SUGCT: variants seen among roughly 807,000 people sequenced by gnomAD.
SUGCT encodes the protein succinyl-CoA:glutarate-CoA transferase.
In SUGCT, 41 loss-of-function variants were observed where a neutral mutation model predicts 55.0. The observed-to-expected ratio is 0.74, with a 90% CI of 0.58 to 0.97. The LOEUF is 0.97. SUGCT is among the 50% of genes least tolerant of loss of function. The pLI is 0.00. For synonymous variants in SUGCT, 187 were observed against 200.4 expected, an observed-to-expected ratio of 0.93 and a Z score of 0.56; for missense variants, 568 against 547.8, an observed-to-expected ratio of 1.04 and a Z score of -0.37.
chr7:40,263,468 C>T (rs1791361890), intron 7 of SUGCT, among the ~76,000 whole-genome samples: 1 of 152,160 alleles, frequency 6.6e-6, no homozygotes. Context: ...GTATAGGCAG[C>T]AGTTTTTGGA....
chr7:40,480,834 A>T (rs1790992889), intron 11 of SUGCT, among the ~76,000 whole-genome samples: 1 of 152,072 alleles, frequency 6.6e-6, no homozygotes, highest in Non-Finnish European at 1.5e-5. Flanking sequence ...GTGCCCGGAG[A>T]GGTAGTGATC....
chr7:40,897,426 G>GACACACACACAC, the SUGCT span, among the ~76,000 whole-genome samples: 534 of 148,882 alleles, frequency 3.6e-3, 4 homozygotes, highest in South Asian at 0.016. Flanking sequence ...AATAAAGCTG[G>GACACACACACAC]ACACACACAC....
intron 9 of SUGCT, among the ~76,000 whole-genome samples, chr7:40,350,774 A>G (rs1391566752): frequency 2.0e-5 from 3 of 151,904 alleles, no homozygotes; most frequent in Non-Finnish European, 4.4e-5. Flanking sequence ...TATTTCTCCT[A>G]ATGCTTTCCC....
chr7:40,358,439 G>C (rs76371448), intron 9 of SUGCT, among the ~76,000 whole-genome samples: 3 of 152,096 alleles, frequency 2.0e-5, no homozygotes, highest in African/African-American at 7.2e-5. Flanking sequence ...AGGGCCGGGC[G>C]CAGTGGCTCA....
chr7:40,896,966 A>G, the SUGCT span, among the ~76,000 whole-genome samples: 3 of 152,236 alleles, frequency 2.0e-5, no homozygotes, highest in Non-Finnish European at 2.9e-5. Context: ...ATACACTACA[A>G]AGCTACTGTA....
chr7:40,176,590 C>T (rs1784932747), intron 1 of SUGCT, among the ~76,000 whole-genome samples: 2 of 151,366 alleles, frequency 1.3e-5, no homozygotes, highest in South Asian at 4.2e-4. Context: ...TTCTTTTTGC[C>T]TTTTTTTTCT....
rs758798867 is a variant in SUGCT at position 40,274,596 on chromosome 7, G to A, written c.660G>A (p.Leu220=). The part of the protein sequence containing the change: ...LYAYGAIMAG[L]IQKYKTGKGL... The stretch of plus-strand genomic sequence containing the variant: ...CATATGGAGCTATTATGGCTGGATT[G>A]ATACAAAAATACAAAACTGGGAAAG... Residue 220 remains leucine (L), a synonymous_variant, in exon 8 of 14, where the codon TTG becomes TTA. Transcript: ENST00000335693. 16 of 1,613,632 alleles carry A rather than the reference G, an allele frequency of 9.9e-6. No homozygotes were observed. The Admixed American group carries it at 1.2e-4, about 12-fold the overall frequency.
intron 9 of SUGCT, among the ~76,000 whole-genome samples, chr7:40,404,496 G>A (rs1366718273): frequency 6.6e-6 from 1 of 151,654 alleles, no homozygotes; most frequent in Non-Finnish European, 1.5e-5. Flanking sequence ...GGAGTGCAGT[G>A]GCACGATCTC....
intron 11 of SUGCT, among the ~76,000 whole-genome samples, chr7:40,468,103 T>C (rs914573619): frequency 2.0e-5 from 3 of 152,138 alleles, no homozygotes; most frequent in Non-Finnish European, 4.4e-5. Flanking sequence ...CTTGCACTTG[T>C]GTCTGTACTT....
intron 7 of SUGCT, among the ~76,000 whole-genome samples, chr7:40,245,605 A>T (rs1255172750): frequency 2.0e-5 from 3 of 146,966 alleles, no homozygotes; most frequent in African/African-American, 7.5e-5. Flanking sequence ...ACGCCCGGCT[A>T]ATTTTTTGTA....
intron 9 of SUGCT, among the ~76,000 whole-genome samples, chr7:40,372,050 A>T (rs1191545719): frequency 1.3e-5 from 2 of 151,962 alleles, no homozygotes; most frequent in Non-Finnish European, 2.9e-5. Flanking sequence ...ACATACTGCA[A>T]ATGAGAGCCA....
intron 6 of SUGCT, among the ~76,000 whole-genome samples, chr7:40,224,349 T>C (rs1423940238): frequency 1.3e-5 from 2 of 152,074 alleles, no homozygotes; most frequent in Admixed American, 6.6e-5. Context: ...ATAATAGTTT[T>C]TTTTCCCTCC....
the SUGCT span, among the ~76,000 whole-genome samples, chr7:40,959,286 T>A: frequency 6.6e-6 from 1 of 152,226 alleles, no homozygotes; most frequent in Non-Finnish European, 1.5e-5. Context: ...TTCTCCCAAG[T>A]GCTCTGTCCC....
chr7:40,331,388 C>T (rs1796303923), intron 9 of SUGCT, among the ~76,000 whole-genome samples: 1 of 152,206 alleles, frequency 6.6e-6, no homozygotes, highest in Non-Finnish European at 1.5e-5. Context: ...TAAAAGCATG[C>T]ATGAGCTTTG....
At chr7:40,964,875 T>A in the SUGCT span, 4 of 152,178 alleles carry the variant, frequency 2.6e-5, no homozygotes, top group Admixed American at 6.5e-5. Flanking sequence ...AGCCTTCAAC[T>A]ACCTCATCAC....
chr7:40,496,222 A>T (rs768580368), intron 11 of SUGCT, 62 bp from the exon 12 acceptor site: 141 of 1,042,084 alleles, frequency 1.4e-4, no homozygotes, highest in Middle Eastern at 4.0e-4. Context: ...GGGCCACATG[A>T]TAGAAGAGGC....
intron 1 of SUGCT, among the ~76,000 whole-genome samples, chr7:40,164,953 C>T (rs1032616803): frequency 3.3e-5 from 5 of 152,108 alleles, no homozygotes; most frequent in African/African-American, 1.2e-4. Context: ...TTCCAGGTAC[C>T]CTCCACTCCT....
intron 4 of SUGCT, 147 bp downstream of exon 4, chr7:40,188,727 C>A: frequency 1.9e-6 from 1 of 535,364 alleles, no homozygotes; most frequent in South Asian, 3.0e-5. Flanking sequence ...TATTCATTTA[C>A]CATTCACTAA....
At chr7:40,286,337 C>A (rs1443002978) in intron 8 of SUGCT, among the ~76,000 whole-genome samples, 1 of 152,152 alleles carries the variant, frequency 6.6e-6, no homozygotes, top group African/African-American at 2.4e-5. Flanking sequence ...GAGCCCGCCA[C>A]AGGACTAGCC....
Sources: gnomAD v4.1 joint callset for allele counts (sites outside exome capture counted in the v4.1 genomes callset) on GRCh38, gnomAD v4.1.1 for gene constraint, MANE v1.5 for transcripts, NCBI Gene and HGNC (gene_info 2026-07-23, HGNC 2026-07-21) for gene names.